MFSD12: variants seen among roughly 807,000 people sequenced by gnomAD.
MFSD12 encodes major facilitator superfamily domain containing 12, also known as major facilitator superfamily domain-containing protein 12.
In MFSD12, 67 loss-of-function variants were observed where a neutral mutation model predicts 51.2. The ratio of observed to expected loss-of-function variants is 1.31; its 90% CI spans 1.08 to 1.60. MFSD12 has a LOEUF of 1.60. MFSD12 is among the 40% of genes most tolerant of loss of function. MFSD12 has a pLI of 0.00. For synonymous variants in MFSD12, 441 were observed against 316.7 expected (o/e 1.39, Z -4.17); for missense variants, 921 against 673.0 (o/e 1.37, Z -4.08).
At chr19:3,540,543 A>G (rs1289012940), downstream of MFSD12, among the ~76,000 whole-genome samples, 1 of 149,838 alleles carries the variant, frequency 6.7e-6, no homozygotes, top group East Asian at 2.2e-4. Flanking sequence ...GGCGTGAGGC[A>G]CCGCGCCTAG....
At chr19:3,538,592 G>T (rs541055996) in exon 5 of MFSD12, 6 of 428,078 alleles carry the variant, frequency 1.4e-5, no homozygotes, top group Admixed American at 1.2e-4. Context: ...AGGTGCATCC[G>T]CACTGTGGCC....
At chr19:3,539,025 G>T in intron 4 of MFSD12, 1 of 636,634 alleles carries the variant, frequency 1.6e-6, no homozygotes. Flanking sequence ...TAAATACTCA[G>T]AACGACTCTC....
chr19:3,544,074 C>T (rs1370159767), downstream of MFSD12: 2 of 1,464,256 alleles, frequency 1.4e-6, no homozygotes, highest in Non-Finnish European at 1.8e-6. Flanking sequence ...AACCTAGTCC[C>T]AGGGGACCAG....
chr19:3,555,900 G>C (rs946913693), intron 1 of MFSD12, among the ~76,000 whole-genome samples: 2 of 152,238 alleles, frequency 1.3e-5, no homozygotes, highest in Admixed American at 1.3e-4. Context: ...GGGTCCGGGA[G>C]GGGAGAGGAG....
At chr19:3,550,211 G>C (rs2031392456) in intron 2 of MFSD12, among the ~76,000 whole-genome samples, 1 of 152,108 alleles carries the variant, frequency 6.6e-6, no homozygotes, top group African/African-American at 2.4e-5. Flanking sequence ...TCTCCCCCTA[G>C]CTCAGCCATG....
downstream of MFSD12, chr19:3,541,919 C>A (rs908382238): frequency 3.6e-6 from 2 of 560,550 alleles, no homozygotes; most frequent in Non-Finnish European, 4.5e-6. Flanking sequence ...AGCTAATTCT[C>A]CTGCCTCAGC....
At chr19:3,543,796 G>T, downstream of MFSD12, 1 of 1,499,602 alleles carries the variant, frequency 6.7e-7, no homozygotes, top group South Asian at 1.3e-5. Flanking sequence ...GCGAGGAGGT[G>T]GGGGCACATG....
At chr19:3,543,980 C>G, downstream of MFSD12, 1 of 1,548,082 alleles carries the variant, frequency 6.5e-7, no homozygotes, top group Non-Finnish European at 8.7e-7. Context: ...GCCAGCGGTC[C>G]CCGCCTTCCC....
chr19:3,550,450 GGC>G (rs1262380442), intron 2 of MFSD12, among the ~76,000 whole-genome samples: 3 of 151,388 alleles, frequency 2.0e-5, no homozygotes, highest in Non-Finnish European at 4.4e-5. Context: ...GGAGTGCAGT[GGC>G]GCTATCTTGG....
chr19:3,540,514 C>G (rs1423486865), downstream of MFSD12, among the ~76,000 whole-genome samples: 1 of 151,620 alleles, frequency 6.6e-6, no homozygotes, highest in Non-Finnish European at 1.5e-5. Context: ...CCTTGGCCTC[C>G]CAAAGTGCTG....
intron 6 of MFSD12, 88 bp from the exon 7 acceptor site, chr19:3,546,513 GCAAA>G: frequency 6.2e-6 from 9 of 1,446,570 alleles, no homozygotes; most frequent in Non-Finnish European, 8.4e-6. Flanking sequence ...CCCAACCCCA[GCAAA>G]CAAGGCATGA....
At chr19:3,542,277 G>C, downstream of MFSD12, 1 of 985,402 alleles carries the variant, frequency 1.0e-6, no homozygotes, top group South Asian at 4.7e-5. Context: ...CCCATGTTCT[G>C]TGGGCACCTG....
At position 3,546,141 on chromosome 19, in the gene MFSD12, T is replaced by C. The variant is rs746235759; in HGVS notation, c.1222A>G (p.Met408Val). ...TNSGAFVYGSMSFLDKVANGL... is the reference protein window; with the variant it reads ...TNSGAFVYGSVSFLDKVANGL... Reference sequence around the variant, plus strand: ...TTGGCCACCTTATCCAAGAAGCTCATGGAGCCGTACACGAACGCTCCGCTG... The same window carrying C: ...TTGGCCACCTTATCCAAGAAGCTCACGGAGCCGTACACGAACGCTCCGCTG... Residue 408 changes from methionine to valine, a missense_variant, in exon 8 of 10, where the codon ATG (methionine) becomes GTG (valine). By Grantham distance (21) the Met-to-Val change is conservative (BLOSUM62 1). Transcript: ENST00000355415. 13 of 1,613,128 alleles carry C rather than the reference T, an allele frequency of 8.1e-6. No individual in the cohort carries two copies. The highest frequency in any genetic ancestry group is 5.3e-5 in the African/African-American group (4 of 74,934).
At chr19:3,540,089 C>CTTTTTTTTTTTTT (rs770199097), downstream of MFSD12, 4 of 88,190 alleles carry the variant, frequency 4.5e-5, no homozygotes, top group African/African-American at 1.6e-4. Flanking sequence ...CATCTCTTTT[C>CTTTTTTTTTTTTT]TTTTTTTTTT....
At chr19:3,552,148 GAA>G (rs1410961977) in intron 1 of MFSD12, among the ~76,000 whole-genome samples, 2 of 152,050 alleles carry the variant, frequency 1.3e-5, no homozygotes, top group Non-Finnish European at 2.9e-5. Flanking sequence ...ACCCAGCATG[GAA>G]CTCGGGCATT....
intron 2 of MFSD12, among the ~76,000 whole-genome samples, chr19:3,550,436 G>A (rs1248122417): frequency 6.6e-6 from 1 of 151,320 alleles, no homozygotes; most frequent in East Asian, 2.0e-4. Flanking sequence ...CTGTCGCCCA[G>A]GCTGGAGTGC....
Position 3,544,604 on chromosome 19 carries a change from G to A in MFSD12, c.*106C>T, listed in dbSNP as rs2030784500. Reference sequence around the variant, plus strand: ...AGCTGGGTGAGGATGGAGGGTGGGGGTCCAGAGAAGAGTGAGGGGCAGTGG... The same window carrying A: ...AGCTGGGTGAGGATGGAGGGTGGGGATCCAGAGAAGAGTGAGGGGCAGTGG... On this transcript the variant is annotated 3_prime_UTR_variant, in exon 10 of 10. Transcript: ENST00000355415. The A allele has an allele frequency of 2.0e-6, 3 of 1,496,764 alleles. No homozygotes were observed. The highest frequency in any genetic ancestry group is 1.8e-6 in the Non-Finnish European group (2 of 1,124,976). The allele number at this position is 1,496,764 out of a possible 1,614,324, so 92.7% of individuals were successfully genotyped here.
rs369874343 is a variant in MFSD12 at position 3,546,425 on chromosome 19, T to C, written c.1024A>G (p.Met342Val). The stretch of plus-strand genomic sequence containing the variant: ...ACCAGGAGGCCTGAGAAGTAGGTCA[T>C]CTGCAGGGACAGCCCCGGGGTCAGG... ...KPINKCIGRN[M>V]TYFSGLLVIL... The change falls in exon 7 of 10, where the codon ATG becomes GTG. Residue 342 changes from methionine to valine, a missense_variant and splice_region_variant. Coordinates refer to ENST00000355415, the MANE Select transcript of MFSD12 (RefSeq NM_174983.5). 5.0e-6 allele frequency: 8 copies of C among 1,603,694 alleles called. No individual in the cohort carries two copies. The Admixed American group carries it at 6.8e-5, about 14-fold the overall frequency.
chr19:3,540,528 T>G (rs964691055), downstream of MFSD12, among the ~76,000 whole-genome samples: 3 of 151,098 alleles, frequency 2.0e-5, no homozygotes, highest in East Asian at 2.0e-4. Flanking sequence ...AGTGCTGGGA[T>G]TACAGGCGTG....
Sources: allele counts gnomAD v4.1 joint callset (sites outside exome capture counted in the v4.1 genomes callset), GRCh38; gene constraint gnomAD v4.1.1; transcripts MANE v1.5; gene names NCBI Gene and HGNC (gene_info 2026-07-23, HGNC 2026-07-21).